ADAMTSL1: variants seen among roughly 807,000 people sequenced by gnomAD.
ADAMTSL1 encodes the protein ADAMTS-like protein 1.
In ADAMTSL1, 126 loss-of-function variants were observed where a neutral mutation model predicts 201.8. The observed-to-expected ratio is 0.62, with a 90% CI of 0.54 to 0.72. The LOEUF (loss-of-function observed/expected upper bound fraction) is 0.72. Among genes scored for constraint, ADAMTSL1 ranks in the 30% least tolerant of loss-of-function variants. The pLI is 0.00. For synonymous variants in ADAMTSL1, 1,121 were observed against 903.4 expected (o/e 1.24, Z -4.32); for missense variants, 2,679 against 2,277.8 (o/e 1.18, Z -3.59).
chr9:18,017,096 G>T (rs1489711815), intron 1 of ADAMTSL1, among the ~76,000 whole-genome samples: 2 of 151,978 alleles, frequency 1.3e-5, no homozygotes, highest in East Asian at 3.9e-4. Context: ...AATGATTCCA[G>T]ATAGATCAGA....
intron 2 of ADAMTSL1, among the ~76,000 whole-genome samples, chr9:18,257,408 A>G (rs1325342998): frequency 2.6e-5 from 4 of 152,228 alleles, no homozygotes. Context: ...CAATAAGCGC[A>G]TGAAAAGATG....
intron 5 of ADAMTSL1, among the ~76,000 whole-genome samples, chr9:18,633,482 T>C (rs954546606): frequency 2.6e-5 from 4 of 151,928 alleles, no homozygotes; most frequent in African/African-American, 7.3e-5. Context: ...TCCCAGCTAC[T>C]TGAGGCTGAG....
chr9:18,107,687 CA>C (rs1430874822), intron 1 of ADAMTSL1, among the ~76,000 whole-genome samples: 2 of 152,116 alleles, frequency 1.3e-5, no homozygotes, highest in African/African-American at 4.8e-5. Context: ...AGCTTCGGAG[CA>C]GAAAGATTCT....
chr9:18,842,659 T>G (rs1354821780), intron 23 of ADAMTSL1, among the ~76,000 whole-genome samples: 1 of 152,142 alleles, frequency 6.6e-6, no homozygotes, highest in African/African-American at 2.4e-5. Context: ...CCCATTATTG[T>G]GTGGGAGTCT....
At chr9:18,661,361 G>GAA (rs1829081272) in intron 8 of ADAMTSL1, among the ~76,000 whole-genome samples, 1 of 152,130 alleles carries the variant, frequency 6.6e-6, no homozygotes, top group Admixed American at 6.5e-5. Context: ...GATTCGTGAT[G>GAA]TCTACTGTTG....
intron 1 of ADAMTSL1, among the ~76,000 whole-genome samples, chr9:17,978,709 T>A (rs1042046294): frequency 2.6e-5 from 4 of 152,182 alleles, no homozygotes; most frequent in African/African-American, 9.6e-5. Context: ...ATGACTTACA[T>A]TATTACCATT....
chr9:18,865,749 A>G (rs1005828449), intron 23 of ADAMTSL1, among the ~76,000 whole-genome samples: 2 of 150,692 alleles, frequency 1.3e-5, no homozygotes, highest in Admixed American at 1.3e-4. Context: ...GGGTTGATAG[A>G]GAGAGGCCTT....
chr9:18,535,894 C>T (rs1283538284), intron 3 of ADAMTSL1, among the ~76,000 whole-genome samples: 1 of 152,112 alleles, frequency 6.6e-6, no homozygotes, highest in African/African-American at 2.4e-5. Flanking sequence ...CTTCCCTTGA[C>T]ACGCAGGGAT....
At chr9:18,135,954 C>T (rs539626806) in intron 1 of ADAMTSL1, among the ~76,000 whole-genome samples, 1 of 152,278 alleles carries the variant, frequency 6.6e-6, no homozygotes, top group Admixed American at 6.5e-5. Context: ...TAGACTTTCT[C>T]TCATTTAAGA....
At chr9:18,381,786 G>A (rs1421140366) in intron 2 of ADAMTSL1, among the ~76,000 whole-genome samples, 1 of 151,714 alleles carries the variant, frequency 6.6e-6, no homozygotes, top group Non-Finnish European at 1.5e-5. Context: ...GCAGGAGAGG[G>A]GGGATTAGAC....
intron 23 of ADAMTSL1, among the ~76,000 whole-genome samples, chr9:18,881,374 G>T (rs1213957607): frequency 6.6e-6 from 1 of 152,168 alleles, no homozygotes; most frequent in Non-Finnish European, 1.5e-5. Flanking sequence ...ACACTTAGAT[G>T]CCACTGTAGG....
At chr9:18,619,814 C>T (rs571483528) in intron 4 of ADAMTSL1, among the ~76,000 whole-genome samples, 2 of 152,146 alleles carry the variant, frequency 1.3e-5, no homozygotes, top group East Asian at 3.9e-4. Context: ...GATTTGGACG[C>T]CTGAGAGTGG....
intron 19 of ADAMTSL1, among the ~76,000 whole-genome samples, chr9:18,784,405 G>A (rs1265490740): frequency 6.6e-6 from 1 of 152,210 alleles, no homozygotes; most frequent in African/African-American, 2.4e-5. Flanking sequence ...ATAAAGGAAT[G>A]AATAGTTGGA....
At chr9:18,364,207 A>T (rs1411079282) in intron 2 of ADAMTSL1, among the ~76,000 whole-genome samples, 4 of 152,108 alleles carry the variant, frequency 2.6e-5, no homozygotes, top group Non-Finnish European at 5.9e-5. Context: ...CTCCTTCATA[A>T]GGCTGCAAAA....
chr9:18,187,320 A>G (rs761489848), intron 2 of ADAMTSL1, among the ~76,000 whole-genome samples: 4 of 152,162 alleles, frequency 2.6e-5, no homozygotes, highest in African/African-American at 9.6e-5. Flanking sequence ...AATAACTCCT[A>G]TTTAAGGTAT....
intron 1 of ADAMTSL1, among the ~76,000 whole-genome samples, chr9:17,982,903 G>A (rs1007080692): frequency 1.3e-5 from 2 of 151,620 alleles, no homozygotes; most frequent in Non-Finnish European, 2.9e-5. Context: ...TAGAGCAGAG[G>A]TTCTCAATCC....
At chr9:17,919,651 T>G (rs1257227921) in intron 1 of ADAMTSL1, among the ~76,000 whole-genome samples, 1 of 152,142 alleles carries the variant, frequency 6.6e-6, no homozygotes, top group Admixed American at 6.6e-5. Flanking sequence ...ATATCAGTAC[T>G]TCATTCCTTT....
At chr9:18,472,235 A>G (rs1038494970), upstream of ADAMTSL1, among the ~76,000 whole-genome samples, 8 of 152,360 alleles carry the variant, frequency 5.3e-5, no homozygotes, top group South Asian at 1.0e-3. Flanking sequence ...GTTTATTTCA[A>G]TCAATCACCT....
chr9:18,508,229 A>G (rs1477846674), intron 2 of ADAMTSL1, among the ~76,000 whole-genome samples: 1 of 151,730 alleles, frequency 6.6e-6, no homozygotes, highest in Non-Finnish European at 1.5e-5. Flanking sequence ...ACCTGGGATT[A>G]TTATGTTTGG....
Sources: allele counts gnomAD v4.1 joint callset (sites outside exome capture counted in the v4.1 genomes callset), GRCh38; gene constraint gnomAD v4.1.1; transcripts MANE v1.5; gene names NCBI Gene and HGNC (gene_info 2026-07-23, HGNC 2026-07-21).